TTC39C: variants seen among roughly 807,000 people sequenced by gnomAD.
TTC39C encodes the protein tetratricopeptide repeat protein 39C.
TTC39C carries 33 observed loss-of-function variants against 76.3 expected under a neutral mutation model. The observed-to-expected ratio is 0.43, with a 90% confidence interval of 0.33 to 0.58. The LOEUF (loss-of-function observed/expected upper bound fraction) is 0.58. Among genes scored for constraint, TTC39C ranks in the 20% least tolerant of loss-of-function variants. TTC39C has a pLI of 0.04. For missense variants in TTC39C, 595 were observed against 701.4 expected (o/e 0.85, Z 1.71); for synonymous variants, 254 against 260.6 (o/e 0.97, Z 0.24).
intron 6 of TTC39C, among the ~76,000 whole-genome samples, chr18:24,103,921 TTC>T (rs1387097345): frequency 1.3e-5 from 2 of 149,950 alleles, no homozygotes; most frequent in Non-Finnish European, 2.9e-5. Context: ...AAATCCCACA[TTC>T]TCTCTCTGTT....
At chr18:24,012,309 A>G (rs1293280955), upstream of TTC39C, among the ~76,000 whole-genome samples, 4 of 152,100 alleles carry the variant, frequency 2.6e-5, no homozygotes, top group African/African-American at 9.7e-5. Context: ...TTATCCCTCT[A>G]TCCACGCCAC....
In TTC39C at chr18:24,069,178, C is replaced by G. The variant is rs777771290; in HGVS notation, c.367C>G (p.Pro123Ala). Reference protein sequence around the residue: ...KKNVDVRKSAPSMVDRLQRQI... With the variant: ...KKNVDVRKSAASMVDRLQRQI... ...ACAGGTTGATGTCCGAAAATCCGCC[C>G]CCTCTATGGTTGATCGGCTTCAGAG... The change falls in exon 4 of 14, where the codon CCC (proline) becomes GCC (alanine). Residue 123 changes from proline (P) to alanine (A), a missense_variant. Transcript: ENST00000317571. The G allele has an allele frequency of 2.0e-5, 33 of 1,613,588 alleles. No individual in the cohort carries two copies. Among genetic ancestry groups the G allele is most frequent in the Non-Finnish European group, 2.5e-5 (29 of 1,179,640 alleles).
At chr18:24,007,439 A>C (rs2083363114) in intron 1 of TTC39C, among the ~76,000 whole-genome samples, 1 of 152,226 alleles carries the variant, frequency 6.6e-6, no homozygotes, top group African/African-American at 2.4e-5. Context: ...GCTGGAGTGC[A>C]GTGGCATGAT....
At chr18:24,132,259 G>T (rs1053370016) in intron 13 of TTC39C, among the ~76,000 whole-genome samples, 1 of 152,126 alleles carries the variant, frequency 6.6e-6, no homozygotes, top group African/African-American at 2.4e-5. Flanking sequence ...AGAATAACTC[G>T]AGGAAAATTG....
chr18:24,041,692 G>T (rs1355745081), intron 1 of TTC39C, among the ~76,000 whole-genome samples: 1 of 152,118 alleles, frequency 6.6e-6, no homozygotes, highest in Non-Finnish European at 1.5e-5. Flanking sequence ...TTTAATAGGT[G>T]CATTATGTTA....
chr18:24,109,176 C>A (rs1366305493), intron 6 of TTC39C, among the ~76,000 whole-genome samples: 512 of 73,742 alleles, frequency 6.9e-3, no homozygotes, highest in Non-Finnish European at 9.3e-3. Context: ...CCCGTCTCTA[C>A]AAAAAAAAAA....
intron 4 of TTC39C, among the ~76,000 whole-genome samples, chr18:24,072,589 G>T (rs559133946): frequency 2.0e-5 from 3 of 152,298 alleles, no homozygotes; most frequent in African/African-American, 7.2e-5. Flanking sequence ...GGGCCACCGT[G>T]CCCGGTCAAT....
At chr18:24,087,260 T>G (rs73404269) in intron 6 of TTC39C, among the ~76,000 whole-genome samples, 1,792 of 152,352 alleles carry the variant, frequency 0.012, 41 homozygotes, top group African/African-American at 0.041. Context: ...TGATTATTTT[T>G]ACAATATTAG....
intron 1 of TTC39C, among the ~76,000 whole-genome samples, chr18:24,033,054 A>C (rs958003791): frequency 3.3e-5 from 5 of 152,152 alleles, no homozygotes; most frequent in Non-Finnish European, 5.9e-5. Flanking sequence ...GGAGTTTGAG[A>C]CCAGCCTGGC....
chr18:24,012,169 C>CCCACTTTGAA (rs77518920), upstream of TTC39C, among the ~76,000 whole-genome samples: 1 of 151,660 alleles, frequency 6.6e-6, no homozygotes, highest in Non-Finnish European at 1.5e-5. Context: ...GATTTGGAGG[C>CCCACTTTGAA]TCTTTTTGTA....
intron 1 of TTC39C, among the ~76,000 whole-genome samples, chr18:24,035,046 A>AT (rs71266988): frequency 0.73 from 109,443 of 150,026 alleles, 40,527 homozygotes; most frequent in Non-Finnish European, 0.79. Context: ...TTATTTCTTT[A>AT]TTTTTTTTTT....
At chr18:24,021,567 A>G (rs2083518598) in intron 1 of TTC39C, among the ~76,000 whole-genome samples, 2 of 118,482 alleles carry the variant, frequency 1.7e-5, no homozygotes, top group Admixed American at 1.1e-4. Context: ...TTTTTCCGAG[A>G]CAGAGTCTTG....
intron 2 of TTC39C, 114 bp from the exon 3 acceptor site, chr18:24,065,898 T>C (rs2084159800): frequency 1.8e-6 from 2 of 1,109,662 alleles, no homozygotes; most frequent in Non-Finnish European, 2.5e-6. Flanking sequence ...TGTGATTCTT[T>C]TGCTTGCAAT....
At chr18:24,090,783 T>A (rs1294677905) in intron 6 of TTC39C, among the ~76,000 whole-genome samples, 1 of 151,330 alleles carries the variant, frequency 6.6e-6, no homozygotes, top group Admixed American at 6.6e-5. Flanking sequence ...AATCTTACAT[T>A]TATGATTAAT....
chr18:24,043,586 GCCCT>G, intron 1 of TTC39C, among the ~76,000 whole-genome samples: 1 of 152,340 alleles, frequency 6.6e-6, no homozygotes, highest in Non-Finnish European at 1.5e-5. Context: ...GTGTCTTGAA[GCCCT>G]TCTCGTCTGC....
chr18:24,004,992 CATGCCTTCAAA>C (rs1319532427), intron 1 of TTC39C, among the ~76,000 whole-genome samples: 15 of 152,188 alleles, frequency 9.9e-5, no homozygotes, highest in African/African-American at 3.6e-4. Context: ...AATGTATTTT[CATGCCTTCAAA>C]ATGCCTTCTA....
chr18:24,058,478 A>C (rs1358666738), intron 1 of TTC39C, among the ~76,000 whole-genome samples: 1 of 152,060 alleles, frequency 6.6e-6, no homozygotes, highest in East Asian at 1.9e-4. Context: ...GACATGGTGA[A>C]ACCCCATCTC....
rs2083439584 is a variant in TTC39C at position 24,015,231 on chromosome 18, C to A, written c.167+193C>A. On this transcript the variant is annotated intron_variant, in intron 1 of 13. Transcript: ENST00000317571. ...CACATCTCCTCGTCCACCCCCTACC[C>A]CCGGCTCCGTTGTCCTTTCCCTCCC... The A allele has an allele frequency of 3.0e-5, 15 of 498,858 alleles. 1 individual carries two copies. The South Asian group carries it at 7.5e-4, about 25-fold the overall frequency. The allele number at this position is 498,858 out of a possible 1,614,324, so 30.9% of individuals were successfully genotyped here. A position where few individuals can be genotyped will look rare whatever the true frequency, so the allele number is the denominator to read the frequency against.
intron 1 of TTC39C, among the ~76,000 whole-genome samples, chr18:24,061,593 T>TGAAA (rs1344347027): frequency 7.3e-5 from 7 of 95,794 alleles, no homozygotes; most frequent in Non-Finnish European, 9.9e-5. Flanking sequence ...TTGAAATAAG[T>TGAAA]AAAAAAAAAA....
Sources: allele counts gnomAD v4.1 joint callset (sites outside exome capture counted in the v4.1 genomes callset), GRCh38; gene constraint gnomAD v4.1.1; transcripts MANE v1.5; gene names NCBI Gene and HGNC (gene_info 2026-07-23, HGNC 2026-07-21).